The following GPHN variants were observed in gnomAD, a reference collection of about 807,000 sequenced individuals.
GPHN encodes the protein gephyrin.
In GPHN, 17 loss-of-function variants were observed where a neutral mutation model predicts 95.5. That is an observed-to-expected ratio of 0.18 (90% CI 0.12 to 0.27). The LOEUF (loss-of-function observed/expected upper bound fraction) is 0.27, where lower values mean the gene tolerates loss of function less well. Ranked by LOEUF, GPHN falls within the 10% of genes least tolerant of loss-of-function variation. The probability of loss-of-function intolerance (pLI) is 1.00; values close to 1 mark genes in which losing one functional copy is unlikely to be tolerated. For missense variants in GPHN, 660 were observed against 978.1 expected (o/e 0.67, Z 4.34); for synonymous variants, 320 against 322.5 (o/e 0.99, Z 0.08).
chr14:67,481,853 G>A, the GPHN span, among the ~76,000 whole-genome samples: 2 of 152,180 alleles, frequency 1.3e-5, no homozygotes, highest in African/African-American at 2.4e-5. Flanking sequence ...CAGCTCAGGG[G>A]ACCTTGGCTT....
At chr14:67,577,364 A>C in the GPHN span, 1 of 1,591,716 alleles carries the variant, frequency 6.3e-7, no homozygotes, top group Non-Finnish European at 8.5e-7. Context: ...CGCCTCCCTC[A>C]CCACCCTGCC....
the GPHN span, chr14:67,648,281 CAG>C: frequency 1.0e-5 from 14 of 1,399,930 alleles, no homozygotes; most frequent in Admixed American, 1.9e-4. Flanking sequence ...CACATCATTG[CAG>C]AGTTTGTTTT....
At chr14:67,090,224 C>T (rs1278794928) in intron 12 of GPHN, among the ~76,000 whole-genome samples, 1 of 151,936 alleles carries the variant, frequency 6.6e-6, no homozygotes, top group Non-Finnish European at 1.5e-5. Context: ...GTTATGGAGT[C>T]TCTTACTTGG....
intron 11 of GPHN, among the ~76,000 whole-genome samples, chr14:67,087,354 G>A (rs1426676027): frequency 6.6e-6 from 1 of 152,172 alleles, no homozygotes; most frequent in East Asian, 1.9e-4. Flanking sequence ...CATCCCATGA[G>A]GTTTACTGTG....
chr14:67,674,477 C>T, the GPHN span: 4 of 1,605,162 alleles, frequency 2.5e-6, no homozygotes, highest in Non-Finnish European at 3.4e-6. Context: ...GAGGAGGCGG[C>T]GGAGGAGGCC....
chr14:67,537,402 C>T, the GPHN span, among the ~76,000 whole-genome samples: 10 of 133,136 alleles, frequency 7.5e-5, 1 homozygote, highest in Admixed American at 1.5e-4. Flanking sequence ...TTAGGCTGGG[C>T]GCAGTGGCTC....
At chr14:66,640,099 G>T (rs914972800) in intron 1 of GPHN, among the ~76,000 whole-genome samples, 1 of 152,114 alleles carries the variant, frequency 6.6e-6, no homozygotes, top group African/African-American at 2.4e-5. Flanking sequence ...GAATTGATTT[G>T]TGTGTGAGAT....
chr14:67,199,313 C>A, the GPHN span: 2 of 1,608,892 alleles, frequency 1.2e-6, no homozygotes, highest in South Asian at 2.2e-5. Flanking sequence ...GAAGCCAATA[C>A]GGGTGAACAA....
At chr14:67,571,562 C>T in the GPHN span, 19 of 545,078 alleles carry the variant, frequency 3.5e-5, 1 homozygote, top group Admixed American at 2.0e-4. Flanking sequence ...GGAAGGGAGG[C>T]CTGAGAAGCA....
chr14:67,131,165 T>C (rs1163243278), intron 17 of GPHN, among the ~76,000 whole-genome samples: 2 of 152,134 alleles, frequency 1.3e-5, no homozygotes, highest in African/African-American at 4.8e-5. Flanking sequence ...TAGTAAGATA[T>C]TGGTCATTTG....
At chr14:67,254,148 T>C in the GPHN span, 1 of 150,898 alleles carries the variant, frequency 6.6e-6, no homozygotes, top group African/African-American at 2.4e-5. Flanking sequence ...TTTGTTTACT[T>C]ATCTGATATC....
the GPHN span, chr14:67,204,450 C>A: frequency 2.1e-6 from 3 of 1,404,248 alleles, no homozygotes; most frequent in Non-Finnish European, 2.8e-6. Context: ...TCAAAACAAA[C>A]AAACAAATAT....
At chr14:67,298,439 C>T in the GPHN span, among the ~76,000 whole-genome samples, 5 of 151,032 alleles carry the variant, frequency 3.3e-5, no homozygotes, top group East Asian at 3.9e-4. Flanking sequence ...CGCTTGAACC[C>T]GGGAGGCGAA....
chr14:67,267,591 A>G, the GPHN span, among the ~76,000 whole-genome samples: 3 of 152,228 alleles, frequency 2.0e-5, no homozygotes, highest in Non-Finnish European at 2.9e-5. Flanking sequence ...TGAATTTTCA[A>G]AACGGGTTTA....
chr14:67,418,562 G>A, the GPHN span, among the ~76,000 whole-genome samples: 7 of 152,170 alleles, frequency 4.6e-5, no homozygotes, highest in East Asian at 1.9e-4. Context: ...CAAGCCCCGC[G>A]CGGCCCAGAT....
At chr14:67,587,096 T>C in the GPHN span, 4 of 1,611,590 alleles carry the variant, frequency 2.5e-6, no homozygotes, top group Non-Finnish European at 3.4e-6. Flanking sequence ...ACCTTCATCA[T>C]GGCCAGCTAT....
At chr14:66,520,829 T>C (rs939457713) in intron 1 of GPHN, among the ~76,000 whole-genome samples, 1 of 151,990 alleles carries the variant, frequency 6.6e-6, no homozygotes, top group Non-Finnish European at 1.5e-5. Context: ...TGGTACCCAA[T>C]AGTTATTTTT....
chr14:66,876,675 C>T (rs1021087047), intron 4 of GPHN, among the ~76,000 whole-genome samples: 1 of 151,914 alleles, frequency 6.6e-6, no homozygotes, highest in African/African-American at 2.4e-5. Flanking sequence ...GACACATACA[C>T]CCCCCCAAGA....
the GPHN span, chr14:67,350,835 C>A: frequency 1.4e-6 from 1 of 722,604 alleles, no homozygotes; most frequent in Non-Finnish European, 2.2e-6. Flanking sequence ...ACAGAAATTT[C>A]CAATTTTTAA....
Sources: gnomAD v4.1 joint callset for allele counts (sites outside exome capture counted in the v4.1 genomes callset) on GRCh38, gnomAD v4.1.1 for gene constraint, MANE v1.5 for transcripts, NCBI Gene and HGNC (gene_info 2026-07-23, HGNC 2026-07-21) for gene names.